The following CLVS1 variants were observed in gnomAD, a reference collection of about 807,000 sequenced individuals.
CLVS1 encodes clavesin-1.
In CLVS1, 10 loss-of-function variants were observed where a neutral mutation model predicts 33.1. The ratio of observed to expected loss-of-function variants is 0.30; its 90% confidence interval spans 0.19 to 0.51. CLVS1 has a LOEUF of 0.51. CLVS1 is among the 20% of genes least tolerant of loss of function. CLVS1 has a pLI of 0.97. For missense variants in CLVS1, 343 were observed against 433.4 expected (o/e 0.79, Z 1.85); for synonymous variants, 163 against 166.1 (o/e 0.98, Z 0.14).
intron 1 of CLVS1, among the ~76,000 whole-genome samples, chr8:61,103,328 G>A (rs1805483363): frequency 6.6e-6 from 1 of 152,160 alleles, no homozygotes. Flanking sequence ...GTTTGCCAAG[G>A]ACCAAAAGTA....
At chr8:61,498,559 T>C (rs893524969) in intron 5 of CLVS1, among the ~76,000 whole-genome samples, 3 of 152,244 alleles carry the variant, frequency 2.0e-5, no homozygotes, top group Non-Finnish European at 2.9e-5. Flanking sequence ...AATAATTTGG[T>C]TTAATTCATA....
intron 1 of CLVS1, among the ~76,000 whole-genome samples, chr8:61,058,806 T>C (rs1804526573): frequency 6.6e-6 from 1 of 152,224 alleles, no homozygotes; most frequent in South Asian, 2.1e-4. Context: ...TATTCTTTTT[T>C]TGTCCTGGCT....
chr8:61,436,646 A>G (rs955999230), intron 3 of CLVS1, among the ~76,000 whole-genome samples: 14 of 152,120 alleles, frequency 9.2e-5, no homozygotes, highest in Non-Finnish European at 2.1e-4. Flanking sequence ...GATTCTTCTC[A>G]TATTTCTGCC....
At chr8:61,454,688 T>C (rs1391990529) in intron 4 of CLVS1, among the ~76,000 whole-genome samples, 1 of 152,254 alleles carries the variant, frequency 6.6e-6, no homozygotes, top group African/African-American at 2.4e-5. Context: ...GCATCACCTG[T>C]AAAGCTGGAA....
chr8:61,208,522 A>G (rs2129306724), intron 2 of CLVS1, among the ~76,000 whole-genome samples: 1 of 152,338 alleles, frequency 6.6e-6, no homozygotes. Context: ...AATTCAACAG[A>G]TTATAAAAAT....
chr8:61,135,111 A>G (rs943110023), intron 2 of CLVS1, among the ~76,000 whole-genome samples: 4 of 151,840 alleles, frequency 2.6e-5, no homozygotes, highest in African/African-American at 9.7e-5. Flanking sequence ...CAGTTCAAGG[A>G]AAGTATCTGA....
intron 2 of CLVS1, among the ~76,000 whole-genome samples, chr8:61,242,314 T>C (rs1490547206): frequency 6.6e-6 from 1 of 152,172 alleles, no homozygotes. Flanking sequence ...TCCACATATT[T>C]CTGAGTCTCT....
the CLVS1 span, among the ~76,000 whole-genome samples, chr8:60,984,416 G>A: frequency 6.6e-6 from 1 of 151,360 alleles, no homozygotes; most frequent in Non-Finnish European, 1.5e-5. Context: ...TGCCTCCCAG[G>A]TTCAAGTGAT....
chr8:61,151,962 C>G (rs938319650), intron 2 of CLVS1, among the ~76,000 whole-genome samples: 13 of 152,190 alleles, frequency 8.5e-5, no homozygotes, highest in African/African-American at 2.9e-4. Flanking sequence ...CTTTGCTCTT[C>G]TCTCCACCTG....
intron 4 of CLVS1, 105 bp downstream of exon 4, chr8:61,454,356 T>C: frequency 4.6e-6 from 4 of 863,654 alleles, no homozygotes; most frequent in Non-Finnish European, 7.8e-6. Flanking sequence ...TCTTTCTCTC[T>C]TTATCTTTCA....
chr8:61,485,625 G>T (rs1803849158), intron 5 of CLVS1, among the ~76,000 whole-genome samples: 1 of 152,182 alleles, frequency 6.6e-6, no homozygotes, highest in African/African-American at 2.4e-5. Flanking sequence ...AAATCATACT[G>T]CTATAAAGAC....
At chr8:61,069,004 T>C (rs1804737126) in intron 1 of CLVS1, among the ~76,000 whole-genome samples, 1 of 152,190 alleles carries the variant, frequency 6.6e-6, no homozygotes, top group Non-Finnish European at 1.5e-5. Flanking sequence ...TTCATTCTTG[T>C]TGTCCAGGCT....
the CLVS1 span, among the ~76,000 whole-genome samples, chr8:61,030,276 A>C: frequency 6.7e-6 from 1 of 148,438 alleles, no homozygotes; most frequent in Admixed American, 6.8e-5. Context: ...AGATCACTGC[A>C]GGAGAGAAGG....
At chr8:61,357,489 C>CTTTTATTTATTTATTTTTTTTTT (rs1462908906) in intron 2 of CLVS1, among the ~76,000 whole-genome samples, 1 of 30,284 alleles carries the variant, frequency 3.3e-5, no homozygotes, top group Non-Finnish European at 7.4e-5. Flanking sequence ...TTTCCTTTTT[C>CTTTTATTTATTTATTTTTTTTTT]TTTTCTTTTT....
chr8:61,156,253 A>C (rs1585649669), intron 2 of CLVS1, among the ~76,000 whole-genome samples: 1 of 137,042 alleles, frequency 7.3e-6, no homozygotes, highest in Admixed American at 7.6e-5. Flanking sequence ...TGGCTTTCCT[A>C]CCCTCACCCT....
chr8:61,026,549 A>G, the CLVS1 span, among the ~76,000 whole-genome samples: 1 of 152,190 alleles, frequency 6.6e-6, no homozygotes, highest in Non-Finnish European at 1.5e-5. Flanking sequence ...GAATTCCTTG[A>G]TGGTGCATTA....
chr8:61,291,737 A>G (rs548348596), intron 1 of CLVS1, among the ~76,000 whole-genome samples: 4 of 151,960 alleles, frequency 2.6e-5, no homozygotes, highest in Non-Finnish European at 5.9e-5. Flanking sequence ...TTTGTGGTTG[A>G]TATATAGAGC....
chr8:60,967,397 G>A, the CLVS1 span, among the ~76,000 whole-genome samples: 3 of 152,228 alleles, frequency 2.0e-5, no homozygotes, highest in Non-Finnish European at 2.9e-5. Flanking sequence ...GGAGAAAGAA[G>A]CTCTGCACTG....
chr8:61,001,696 T>C, the CLVS1 span, among the ~76,000 whole-genome samples: 1 of 152,258 alleles, frequency 6.6e-6, no homozygotes, highest in Non-Finnish European at 1.5e-5. Context: ...GCTTTCTGCA[T>C]CCTAATTCCT....
Sources: gnomAD v4.1 joint callset for allele counts (sites outside exome capture counted in the v4.1 genomes callset) on GRCh38, gnomAD v4.1.1 for gene constraint, MANE v1.5 for transcripts, NCBI Gene and HGNC (gene_info 2026-07-23, HGNC 2026-07-21) for gene names.